SH3GL3: variants seen among roughly 807,000 people sequenced by gnomAD.
The protein encoded by SH3GL3 is endophilin-A3.
Under a neutral mutation model 47.7 loss-of-function variants are expected in SH3GL3, and 33 were observed. That is an observed-to-expected ratio of 0.69 (90% CI 0.52 to 0.92). The LOEUF is 0.92. Ranked by LOEUF, SH3GL3 falls within the 40% of genes least tolerant of loss-of-function variation. The pLI is 0.00. For synonymous variants in SH3GL3, 155 were observed against 148.8 expected (o/e 1.04, Z -0.30); for missense variants, 363 against 417.8 (o/e 0.87, Z 1.14).
At chr15:83,490,854 G>T in intron 1 of SH3GL3, 1 of 1,614,180 alleles carries the variant, frequency 6.2e-7, no homozygotes, top group Non-Finnish European at 8.5e-7. Flanking sequence ...TCTTTGCTGG[G>T]ATAATATGCA....
At chr15:83,608,521 G>C (rs540307060) in intron 8 of SH3GL3, among the ~76,000 whole-genome samples, 109 of 152,286 alleles carry the variant, frequency 7.2e-4, no homozygotes, top group African/African-American at 2.6e-3. Context: ...AATGAATTCT[G>C]CTATAAGAAT....
chr15:83,496,790 C>T (rs1242673815), intron 1 of SH3GL3, among the ~76,000 whole-genome samples: 1 of 152,132 alleles, frequency 6.6e-6, no homozygotes, highest in Non-Finnish European at 1.5e-5. Context: ...CAGTCATTAG[C>T]TTTGGACCTT....
In SH3GL3 at chr15:83,448,769, C is replaced by T. The variant is rs1281638784; in HGVS notation, c.45+1191C>T. Among the ~76,000 whole-genome samples the T allele has an allele frequency of 6.6e-6, 1 of 151,978 alleles. No homozygotes were observed. The highest frequency in any genetic ancestry group is 1.5e-5 in the Non-Finnish European group (1 of 67,986). On this transcript the variant is annotated intron_variant, in intron 1 of 8. Transcript: ENST00000427482. This position sits in a 1 kb window ranked among gnomAD's most constrained non-coding sequence, Gnocchi z 4.2. ...CTAGCCCCAGTTCCAGGCTGAAAGG[C>T]ACTGCTGTCCCCTCACTCACACTCT...
intron 5 of SH3GL3, among the ~76,000 whole-genome samples, chr15:83,573,946 A>T (rs750786871): frequency 1.3e-5 from 2 of 152,194 alleles, no homozygotes; most frequent in Non-Finnish European, 2.9e-5. Flanking sequence ...GAGCCCAGGG[A>T]CATGAAGGAG....
Position 83,610,612 on chromosome 15 carries a change from G to C in SH3GL3, c.839-7470G>C, listed in dbSNP as rs79779592. Among the ~76,000 whole-genome samples, 768 of 152,210 alleles carry C rather than the reference G, an allele frequency of 5.0e-3. 5 individuals are homozygous for C. The highest frequency in any genetic ancestry group is 0.017 in the African/African-American group (709 of 41,504). On this transcript the variant is annotated intron_variant, in intron 8 of 8. Coordinates refer to ENST00000427482, the MANE Select transcript of SH3GL3 (RefSeq NM_003027.5). ...AGACCACAAACTAACAATTTTCAGG[G>C]GGTATATTGCATAGGGATCAAGAAC...
At chr15:83,479,135 G>A (rs1380583047) in intron 1 of SH3GL3, among the ~76,000 whole-genome samples, 1 of 152,208 alleles carries the variant, frequency 6.6e-6, no homozygotes, top group African/African-American at 2.4e-5. Context: ...AGGGCCAGGT[G>A]CGTATTTTCA....
the SH3GL3 span, among the ~76,000 whole-genome samples, chr15:83,626,959 G>C: frequency 6.6e-6 from 1 of 152,106 alleles, no homozygotes; most frequent in Non-Finnish European, 1.5e-5. Context: ...GTCTAAGGCA[G>C]GTTGATCCAG....
At chr15:83,481,185 G>T (rs1007891323) in intron 1 of SH3GL3, among the ~76,000 whole-genome samples, 2 of 150,472 alleles carry the variant, frequency 1.3e-5, no homozygotes, top group African/African-American at 4.9e-5. Context: ...TGAAGCAGGA[G>T]AATCGCTTGA....
At chr15:83,485,572 C>T (rs1356704567) in intron 1 of SH3GL3, among the ~76,000 whole-genome samples, 1 of 152,182 alleles carries the variant, frequency 6.6e-6, no homozygotes, top group Non-Finnish European at 1.5e-5. Flanking sequence ...CAGCATCCAC[C>T]TTCCAGGCTC....
intron 8 of SH3GL3, among the ~76,000 whole-genome samples, chr15:83,594,945 A>G (rs12437593): frequency 0.12 from 18,265 of 152,240 alleles, 1,518 homozygotes; most frequent in Admixed American, 0.25. Context: ...AAGTTTGGCA[A>G]TTTCTCAGAC....
At chr15:83,547,425 G>A (rs1421489086) in intron 1 of SH3GL3, among the ~76,000 whole-genome samples, 2 of 152,216 alleles carry the variant, frequency 1.3e-5, no homozygotes, top group Non-Finnish European at 2.9e-5. Context: ...CTCTCTCCAT[G>A]CCATGCTGCA....
chr15:83,464,062 C>G (rs1028931048), intron 1 of SH3GL3, among the ~76,000 whole-genome samples: 1 of 152,066 alleles, frequency 6.6e-6, no homozygotes, highest in Admixed American at 6.5e-5. Flanking sequence ...GCGCCAGGCC[C>G]TCTGCTTTCT....
Position 83,553,996 on chromosome 15 carries a change from G to T in SH3GL3, c.46-5257G>T, listed in dbSNP as rs186271441. 6.7e-5 allele frequency among the ~76,000 whole-genome samples: 10 copies of T among 148,668 alleles called. No homozygotes were observed. The Admixed American group carries it at 6.7e-4, about 10-fold the overall frequency. ...ATTTGAGTCTGTGAAGTCTGAATAT[G>T]TCTTTATTTTCTTTCTCTCGCTCTT... On this transcript the variant is annotated intron_variant, in intron 1 of 8. Coordinates refer to ENST00000427482, the MANE Select transcript of SH3GL3 (RefSeq NM_003027.5).
intron 1 of SH3GL3, among the ~76,000 whole-genome samples, chr15:83,449,831 A>G (rs1475802371): frequency 1.3e-5 from 2 of 151,892 alleles, no homozygotes; most frequent in Non-Finnish European, 2.9e-5. Context: ...AGTACTCAGT[A>G]GATATGTTTT....
intron 2 of SH3GL3, among the ~76,000 whole-genome samples, chr15:83,563,424 A>G (rs1467974145): frequency 1.3e-5 from 2 of 152,202 alleles, no homozygotes; most frequent in East Asian, 3.8e-4. Flanking sequence ...GTTTATTAAT[A>G]TGCCCATTAA....
At chr15:83,557,017 C>A (rs1823031774) in intron 1 of SH3GL3, among the ~76,000 whole-genome samples, 1 of 152,186 alleles carries the variant, frequency 6.6e-6, no homozygotes, top group African/African-American at 2.4e-5. Flanking sequence ...TGTAGAGCCT[C>A]TTTGTGAGTA....
intron 8 of SH3GL3, among the ~76,000 whole-genome samples, chr15:83,591,393 C>T (rs2060092722): frequency 6.6e-6 from 1 of 151,728 alleles, no homozygotes; most frequent in Non-Finnish European, 1.5e-5. Flanking sequence ...TATGGATGTC[C>T]AATTGCCCTT....
chr15:83,567,985 CTTT>C (rs1405083019), intron 3 of SH3GL3, among the ~76,000 whole-genome samples: 2 of 136,162 alleles, frequency 1.5e-5, no homozygotes, highest in Non-Finnish European at 3.2e-5. Context: ...TTCTTTCTTT[CTTT>C]TTTTTTTTTT....
chr15:83,507,543 T>A (rs897646579), intron 1 of SH3GL3, among the ~76,000 whole-genome samples: 3 of 151,816 alleles, frequency 2.0e-5, no homozygotes, highest in African/African-American at 7.3e-5. Context: ...GCCTCCCGAG[T>A]AGCTGGGATT....
Sources: gnomAD v4.1 joint callset for allele counts (sites outside exome capture counted in the v4.1 genomes callset) on GRCh38, gnomAD v4.1.1 for gene constraint, Gnocchi (gnomAD v3.1) non-coding constraint, MANE v1.5 for transcripts, NCBI Gene and HGNC (gene_info 2026-07-23, HGNC 2026-07-21) for gene names.